Variants in SAMD8 observed in about 807,000 individuals in gnomAD.
SAMD8 encodes the protein sphingomyelin synthase-related protein 1.
In SAMD8, 20 loss-of-function variants were observed where a neutral mutation model predicts 42.0. The ratio of observed to expected loss-of-function variants is 0.48; its 90% CI spans 0.34 to 0.69. The LOEUF is 0.69. Among genes scored for constraint, SAMD8 ranks in the 30% least tolerant of loss-of-function variants. The pLI is 0.01. For missense variants in SAMD8, 328 were observed against 511.6 expected (o/e 0.64, Z 3.46); for synonymous variants, 162 against 173.0 (o/e 0.94, Z 0.50).
chr10:75,133,359 C>G (rs1849316251), intron 1 of SAMD8, among the ~76,000 whole-genome samples: 1 of 152,138 alleles, frequency 6.6e-6, no homozygotes, highest in African/African-American at 2.4e-5. Flanking sequence ...GCCAAGACTG[C>G]ACCACTGCAC....
At chr10:75,168,390 C>T (rs1264486685) in intron 3 of SAMD8, 151 bp from the exon 4 acceptor site, 30 of 1,463,492 alleles carry the variant, frequency 2.0e-5, no homozygotes, top group South Asian at 2.8e-5. Flanking sequence ...TGTTGGACAA[C>T]GATGCTTTTG....
At chr10:75,147,199 G>T (rs965876540) in intron 1 of SAMD8, among the ~76,000 whole-genome samples, 4 of 152,184 alleles carry the variant, frequency 2.6e-5, no homozygotes, top group African/African-American at 7.2e-5. Flanking sequence ...AGAGGAAACT[G>T]TCCTAACGAA....
intron 1 of SAMD8, among the ~76,000 whole-genome samples, chr10:75,135,718 T>C (rs374095551): frequency 1.2e-4 from 18 of 149,120 alleles, no homozygotes; most frequent in African/African-American, 2.5e-4. Context: ...CCCAGCTACT[T>C]GGGAGGCTGA....
chr10:75,131,113 A>G (rs1475192620), intron 1 of SAMD8, among the ~76,000 whole-genome samples: 1 of 152,256 alleles, frequency 6.6e-6, no homozygotes, highest in Non-Finnish European at 1.5e-5. Context: ...ATGAGATCCC[A>G]CATGAAATCA....
At chr10:75,142,594 G>A (rs1271091155) in intron 1 of SAMD8, among the ~76,000 whole-genome samples, 2 of 151,952 alleles carry the variant, frequency 1.3e-5, no homozygotes, top group African/African-American at 2.4e-5. Context: ...GTGCCACCAC[G>A]CCCAGCTAAT....
intron 4 of SAMD8, among the ~76,000 whole-genome samples, chr10:75,170,275 G>A (rs903804797): frequency 1.3e-5 from 2 of 152,264 alleles, no homozygotes; most frequent in Admixed American, 1.3e-4. Context: ...AAATGTATGT[G>A]TTAACACCTT....
intron 1 of SAMD8, among the ~76,000 whole-genome samples, chr10:75,146,528 C>G (rs374659705): frequency 2.6e-5 from 4 of 151,974 alleles, no homozygotes; most frequent in African/African-American, 9.7e-5. Context: ...TCAGGTGATC[C>G]GCCCACCTCA....
At chr10:75,105,700 T>A (rs1489245523) in intron 1 of SAMD8, 2 of 1,550,984 alleles carry the variant, frequency 1.3e-6, no homozygotes, top group Admixed American at 3.9e-5. Flanking sequence ...CAGTTGCTGG[T>A]CCAGCCTGCA....
intron 1 of SAMD8, among the ~76,000 whole-genome samples, chr10:75,140,036 T>C (rs1839978065): frequency 6.6e-6 from 1 of 152,240 alleles, no homozygotes; most frequent in Admixed American, 6.5e-5. Flanking sequence ...CATCATTTAA[T>C]GAAAAGACTG....
At chr10:75,104,222 GT>G in intron 1 of SAMD8, 2 of 532,560 alleles carry the variant, frequency 3.8e-6, no homozygotes, top group Non-Finnish European at 3.0e-6. Flanking sequence ...TGTGCATAAG[GT>G]CAAGTGAGTG....
At chr10:75,115,927 C>T (rs566925017) in intron 1 of SAMD8, among the ~76,000 whole-genome samples, 8 of 134,916 alleles carry the variant, frequency 5.9e-5, no homozygotes, top group Admixed American at 4.2e-4. Flanking sequence ...GGCAACAGAG[C>T]GAGACTCCGT....
chr10:75,159,383 G>T (rs1436336316), intron 2 of SAMD8, among the ~76,000 whole-genome samples: 1 of 152,106 alleles, frequency 6.6e-6, no homozygotes, highest in East Asian at 1.9e-4. Context: ...AATTTGCAGT[G>T]AGGATTTCAA....
chr10:75,106,933 G>T (rs1848552912), upstream of SAMD8, among the ~76,000 whole-genome samples: 1 of 152,258 alleles, frequency 6.6e-6, no homozygotes, highest in East Asian at 1.9e-4. Flanking sequence ...GGGTCACACA[G>T]TGAGGGACAC....
Position 75,181,302 on chromosome 10 carries a change from A to G in SAMD8, c.*4610A>G, listed in dbSNP as rs143162599. The stretch of plus-strand genomic sequence containing the variant: ...AGAATTGTTAGTAACATCAAAGGTC[A>G]GAATGCTTCAGGTGACTAATAAGAA... On this transcript the variant is annotated 3_prime_UTR_variant, in exon 6 of 6. Transcript: ENST00000542569. The G allele has an allele frequency of 1.3e-5, 2 of 152,372 alleles. No homozygotes were observed. Among genetic ancestry groups the G allele is most frequent in the East Asian group, 3.9e-4 (2 of 5,190 alleles). 9.4% of individuals were successfully genotyped at this position (152,372 alleles called of 1,614,324 possible).
At position 75,179,091 on chromosome 10, in the gene SAMD8, C is replaced by G. The variant is rs1295366106; in HGVS notation, c.*2399C>G. 3 of 152,058 alleles carry G rather than the reference C, an allele frequency of 2.0e-5. No homozygotes were observed. Among genetic ancestry groups the G allele is most frequent in the Non-Finnish European group, 4.4e-5 (3 of 68,098 alleles). 9.4% of individuals were successfully genotyped at this position (152,058 alleles called of 1,614,324 possible). A position where few individuals can be genotyped will look rare whatever the true frequency, so the allele number is the denominator to read the frequency against. On this transcript the variant is annotated 3_prime_UTR_variant, in exon 6 of 6. Coordinates refer to ENST00000542569, the MANE Select transcript of SAMD8 (RefSeq NM_001174156.2). ...GTGCAGTGTCTAATGCCTGTAATCG[C>G]AGCACTTTGGGAGGCTAAGGCAGGA...
chr10:75,152,529 A>C (rs1401326315), intron 2 of SAMD8, among the ~76,000 whole-genome samples: 1 of 148,268 alleles, frequency 6.7e-6, no homozygotes, highest in African/African-American at 2.5e-5. Flanking sequence ...CTCAAAAAAA[A>C]AAAAAAGAAA....
At chr10:75,174,684 C>G (rs4745766) in intron 4 of SAMD8, among the ~76,000 whole-genome samples, 2 of 151,498 alleles carry the variant, frequency 1.3e-5, no homozygotes, top group African/African-American at 4.9e-5. Context: ...CCACCCACCT[C>G]GGCCTCTCAA....
At chr10:75,168,302 C>G (rs2132206145) in intron 3 of SAMD8, 1 of 361,940 alleles carries the variant, frequency 2.8e-6, no homozygotes, top group East Asian at 1.7e-4. Flanking sequence ...GGCCACATTT[C>G]AAGTCCGTAA....
intron 2 of SAMD8, among the ~76,000 whole-genome samples, chr10:75,161,322 G>C (rs997206637): frequency 6.6e-6 from 1 of 152,066 alleles, no homozygotes; most frequent in Non-Finnish European, 1.5e-5. Flanking sequence ...TTCCAAGAAG[G>C]GTAAGATTCC....
Sources: allele counts gnomAD v4.1 joint callset (sites outside exome capture counted in the v4.1 genomes callset), GRCh38; gene constraint gnomAD v4.1.1; transcripts MANE v1.5; gene names NCBI Gene and HGNC (gene_info 2026-07-23, HGNC 2026-07-21).